ZNF385D: variants seen among roughly 807,000 people sequenced by gnomAD.
The protein encoded by ZNF385D is zinc finger protein 385D, also known as zinc finger protein 659.
ZNF385D carries 15 observed loss-of-function variants against 35.8 expected under a neutral mutation model. The observed-to-expected ratio is 0.42, with a 90% CI of 0.28 to 0.64. ZNF385D has a LOEUF of 0.64. Ranked by LOEUF, ZNF385D falls within the 30% of genes least tolerant of loss-of-function variation. ZNF385D has a pLI of 0.23. For synonymous variants in ZNF385D, 212 were observed against 186.8 expected (o/e 1.13, Z -1.10); for missense variants, 474 against 494.6 (o/e 0.96, Z 0.39).
intron 3 of ZNF385D, among the ~76,000 whole-genome samples, chr3:21,927,188 A>G (rs997368926): frequency 2.6e-5 from 4 of 152,082 alleles, no homozygotes; most frequent in African/African-American, 9.7e-5. Flanking sequence ...AGCCATGGAT[A>G]GAAGCTCCCT....
intron 1 of ZNF385D, among the ~76,000 whole-genome samples, chr3:21,670,215 C>T (rs138390420): frequency 0.01 from 1,534 of 151,960 alleles, 14 homozygotes; most frequent in Middle Eastern, 0.034. Context: ...AGTATCTTTT[C>T]CCTACATCAT....
intron 3 of ZNF385D, among the ~76,000 whole-genome samples, chr3:21,969,760 A>C (rs1011864581): frequency 6.6e-6 from 1 of 151,042 alleles, no homozygotes; most frequent in East Asian, 2.0e-4. Context: ...ACTCACTGCT[A>C]TGCTGGCTTT....
chr3:21,616,056 T>C (rs949884197), intron 2 of ZNF385D, among the ~76,000 whole-genome samples: 6 of 152,106 alleles, frequency 3.9e-5, no homozygotes, highest in South Asian at 2.1e-4. Context: ...GTTTGTTCAA[T>C]TTAAATAAGC....
rs908759758 is a variant in ZNF385D, at chr3:21,425,602, C to T, written c.742G>A (p.Gly248Arg). 1.2e-6 allele frequency: 2 copies of T among 1,607,264 alleles called. No homozygotes were observed. Among genetic ancestry groups the T allele is most frequent in the Non-Finnish European group, 1.7e-6 (2 of 1,176,522 alleles). The change falls in exon 6 of 8, where the codon GGA (glycine) becomes AGA (arginine). Residue 248 changes from glycine to arginine, a missense_variant. Coordinates refer to ENST00000281523, the MANE Select transcript of ZNF385D (RefSeq NM_024697.3). Reference protein sequence around the residue: ...SGTIKAFPRAGVKGKGPVNKG... With the variant: ...SGTIKAFPRARVKGKGPVNKG... ...TTAACAGGTCCTTTGCCTTTCACTC[C>T]TGCCCTAGGAAAGGCTTTGATAGTG...
At chr3:21,471,856 G>T (rs1703918927) in intron 4 of ZNF385D, among the ~76,000 whole-genome samples, 1 of 151,954 alleles carries the variant, frequency 6.6e-6, no homozygotes, top group South Asian at 2.1e-4. Context: ...TTATTTGCTG[G>T]TTATGTTTAT....
intron 2 of ZNF385D, among the ~76,000 whole-genome samples, chr3:22,203,270 T>G (rs982225726): frequency 1.9e-4 from 29 of 152,156 alleles, no homozygotes; most frequent in African/African-American, 7.0e-4. Flanking sequence ...CCAGCTGACA[T>G]TTCTAGAAAC....
chr3:21,655,269 T>A (rs2066040262), intron 2 of ZNF385D, among the ~76,000 whole-genome samples: 1 of 152,022 alleles, frequency 6.6e-6, no homozygotes, highest in Non-Finnish European at 1.5e-5. Context: ...GTTTCACAGA[T>A]GAGAAAATGC....
At chr3:21,711,564 T>G (rs1575510355) in intron 1 of ZNF385D, among the ~76,000 whole-genome samples, 1 of 152,170 alleles carries the variant, frequency 6.6e-6, no homozygotes, top group Non-Finnish European at 1.5e-5. Context: ...CCATACATCA[T>G]TGACATGCAG....
chr3:22,361,158 T>C (rs559752613), intron 2 of ZNF385D, among the ~76,000 whole-genome samples: 3 of 152,026 alleles, frequency 2.0e-5, no homozygotes, highest in Non-Finnish European at 2.9e-5. Flanking sequence ...AACAAATTCA[T>C]TGAATAACAC....
intron 4 of ZNF385D, among the ~76,000 whole-genome samples, chr3:21,442,457 A>C (rs1192516012): frequency 6.6e-6 from 1 of 152,216 alleles, no homozygotes; most frequent in Admixed American, 6.5e-5. Flanking sequence ...AAATGTGCTG[A>C]CATTCTGAAG....
chr3:21,625,281 T>G (rs777741622), intron 2 of ZNF385D, among the ~76,000 whole-genome samples: 5 of 152,062 alleles, frequency 3.3e-5, no homozygotes, highest in Non-Finnish European at 7.4e-5. Flanking sequence ...TACGTGCTTT[T>G]GCCGTTCTCG....
chr3:21,513,367 C>G (rs891163181), intron 3 of ZNF385D, among the ~76,000 whole-genome samples: 1 of 152,050 alleles, frequency 6.6e-6, no homozygotes, highest in African/African-American at 2.4e-5. Flanking sequence ...AGTTGATAGG[C>G]TCCCAACAGA....
At chr3:21,663,602 G>C (rs1411352425) in intron 2 of ZNF385D, among the ~76,000 whole-genome samples, 1 of 151,894 alleles carries the variant, frequency 6.6e-6, no homozygotes. Flanking sequence ...GCTGAGCAAG[G>C]TTTCCTCTAC....
At chr3:21,486,523 T>A (rs1216240844) in intron 4 of ZNF385D, among the ~76,000 whole-genome samples, 1 of 152,026 alleles carries the variant, frequency 6.6e-6, no homozygotes, top group African/African-American at 2.4e-5. Context: ...TGCAAACAGG[T>A]AGGGCTAAAA....
intron 2 of ZNF385D, among the ~76,000 whole-genome samples, chr3:22,286,853 T>C (rs1339010395): frequency 2.6e-5 from 4 of 152,080 alleles, no homozygotes; most frequent in Non-Finnish European, 5.9e-5. Context: ...TATTATTTTG[T>C]TGTTGGGTGG....
At chr3:21,839,215 A>G (rs1484940532) in intron 3 of ZNF385D, among the ~76,000 whole-genome samples, 1 of 151,956 alleles carries the variant, frequency 6.6e-6, no homozygotes, top group Non-Finnish European at 1.5e-5. Context: ...TTTTTTTGGT[A>G]ACATTTTTTT....
At chr3:22,242,994 T>C (rs749315448) in intron 2 of ZNF385D, among the ~76,000 whole-genome samples, 10 of 150,960 alleles carry the variant, frequency 6.6e-5, no homozygotes, top group Admixed American at 6.6e-5. Flanking sequence ...TTCTTAGATA[T>C]AACCCCAAAA....
chr3:21,850,634 A>G (rs1696324505), intron 3 of ZNF385D, among the ~76,000 whole-genome samples: 1 of 152,156 alleles, frequency 6.6e-6, no homozygotes. Flanking sequence ...CAGGACAAGT[A>G]TCCGGGAGCT....
chr3:21,479,050 T>A (rs1704426925), intron 4 of ZNF385D, among the ~76,000 whole-genome samples: 1 of 33,982 alleles, frequency 2.9e-5, no homozygotes. Context: ...AAATATTGGG[T>A]ATATATATAT....
Sources: gnomAD v4.1 joint callset for allele counts (sites outside exome capture counted in the v4.1 genomes callset) on GRCh38, gnomAD v4.1.1 for gene constraint, MANE v1.5 for transcripts, NCBI Gene and HGNC (gene_info 2026-07-23, HGNC 2026-07-21) for gene names.